ADGRV1: variants seen among roughly 807,000 people sequenced by gnomAD.
ADGRV1 encodes the protein G-protein coupled receptor 98.
In ADGRV1, 359 loss-of-function variants were observed where a neutral mutation model predicts 596.2. The observed-to-expected ratio is 0.60, with a 90% CI of 0.55 to 0.66. ADGRV1 has a LOEUF of 0.66. ADGRV1 is among the 30% of genes least tolerant of loss of function. ADGRV1 has a pLI of 0.00. For synonymous variants in ADGRV1, 2,681 were observed against 2,679.2 expected, an observed-to-expected ratio of 1.00 and a Z score of -0.02; for missense variants, 7,274 against 7,575.6, an observed-to-expected ratio of 0.96 and a Z score of 1.48.
chr5:91,006,161 G>C (rs560855301), intron 85 of ADGRV1, among the ~76,000 whole-genome samples: 1 of 152,196 alleles, frequency 6.6e-6, no homozygotes, highest in Non-Finnish European at 1.5e-5. Flanking sequence ...TTTTAAAGTA[G>C]CTCAGCTGGT....
At chr5:91,094,197 C>T (rs1481600329) in intron 86 of ADGRV1, among the ~76,000 whole-genome samples, 2 of 151,958 alleles carry the variant, frequency 1.3e-5, no homozygotes, top group Non-Finnish European at 2.9e-5. Context: ...CAGTGGCTCA[C>T]GCCTATAAAC....
chr5:90,849,616 C>G (rs1766280121), intron 79 of ADGRV1, among the ~76,000 whole-genome samples: 1 of 152,110 alleles, frequency 6.6e-6, no homozygotes, highest in Non-Finnish European at 1.5e-5. Context: ...TCTTGAACTC[C>G]TGGGCTCAAG....
At chr5:90,660,625 T>G (rs1770133401) in intron 21 of ADGRV1, among the ~76,000 whole-genome samples, 1 of 152,176 alleles carries the variant, frequency 6.6e-6, no homozygotes, top group South Asian at 2.1e-4. Flanking sequence ...ATTCCAGCAC[T>G]TTGGGAAGCT....
chr5:90,911,116 T>A (rs1772846195), intron 83 of ADGRV1, among the ~76,000 whole-genome samples: 1 of 152,152 alleles, frequency 6.6e-6, no homozygotes, highest in Non-Finnish European at 1.5e-5. Context: ...GTAATGGAGT[T>A]TTTTCAGAGA....
rs1339880558 is a variant in ADGRV1, at chr5:91,106,926, G to GA, written c.18432+4589dup. Among the ~76,000 whole-genome samples the GA allele has an allele frequency of 2.0e-5, 3 of 152,230 alleles. No individual in the cohort carries two copies. In the East Asian group the frequency reaches 5.8e-4, roughly 29 times the overall value. On this transcript the variant is annotated intron_variant, in intron 87 of 89. Coordinates refer to ENST00000405460, the MANE Select transcript of ADGRV1 (RefSeq NM_032119.4). The stretch of plus-strand genomic sequence containing the variant: ...AGGGTTTGCAGTTGCGGGTAGAAAA[G>GA]AAAGCTCAAGAGGACGCAATGCCTA...
intron 83 of ADGRV1, among the ~76,000 whole-genome samples, chr5:90,961,543 G>T (rs1251003219): frequency 7.1e-6 from 1 of 140,306 alleles, no homozygotes; most frequent in Non-Finnish European, 1.5e-5. Flanking sequence ...TAATTTTATA[G>T]GGAAAGGAGT....
At chr5:90,812,333 A>G (rs1488522358) in intron 74 of ADGRV1, among the ~76,000 whole-genome samples, 1 of 152,046 alleles carries the variant, frequency 6.6e-6, no homozygotes, top group African/African-American at 2.4e-5. Flanking sequence ...TTTCATTTTC[A>G]TGTTTTATTG....
chr5:90,724,771 TTAGAA>T, intron 45 of ADGRV1, 56 bp from the exon 46 acceptor site: 7 of 1,436,596 alleles, frequency 4.9e-6, no homozygotes, highest in Admixed American at 1.7e-5. Context: ...AAACAATAAA[TTAGAA>T]TAGATAAGTT....
chr5:90,673,345 G>A (rs1469540510), intron 22 of ADGRV1, among the ~76,000 whole-genome samples: 1 of 152,038 alleles, frequency 6.6e-6, no homozygotes, highest in Non-Finnish European at 1.5e-5. Context: ...CCTGTTGTTG[G>A]TAATACCACG....
intron 83 of ADGRV1, among the ~76,000 whole-genome samples, chr5:90,885,713 C>T (rs988296112): frequency 5.2e-4 from 79 of 152,060 alleles, no homozygotes; most frequent in African/African-American, 1.9e-3. Context: ...TAAGGAGTGC[C>T]AGGAGAGGGG....
intron 83 of ADGRV1, among the ~76,000 whole-genome samples, chr5:90,935,068 A>T (rs923482579): frequency 6.6e-6 from 1 of 152,220 alleles, no homozygotes; most frequent in East Asian, 1.9e-4. Flanking sequence ...CAAATGTTCA[A>T]TCCATAACAG....
chr5:90,639,695 A>T (rs1192277243), intron 11 of ADGRV1, among the ~76,000 whole-genome samples: 1 of 152,136 alleles, frequency 6.6e-6, no homozygotes, highest in African/African-American at 2.4e-5. Flanking sequence ...GCATACTTGT[A>T]TTATCTCATT....
intron 86 of ADGRV1, among the ~76,000 whole-genome samples, chr5:91,095,873 C>G (rs1281642436): frequency 6.6e-6 from 1 of 152,094 alleles, no homozygotes; most frequent in African/African-American, 2.4e-5. Context: ...ACCTCCACCT[C>G]CCAGGTTCGT....
intron 83 of ADGRV1, among the ~76,000 whole-genome samples, chr5:90,871,019 TG>T (rs1409442171): frequency 9.9e-5 from 15 of 152,208 alleles, no homozygotes; most frequent in African/African-American, 3.4e-4. Context: ...GCTTTCTTTT[TG>T]CATTTCTTGA....
intron 16 of ADGRV1, 148 bp downstream of exon 16, chr5:90,646,239 T>G (rs538472240): frequency 2.9e-6 from 1 of 346,638 alleles, no homozygotes; most frequent in African/African-American, 2.1e-5. Flanking sequence ...TCATTGAACA[T>G]TTTCAATAAA....
chr5:90,774,537 T>C (rs1581081502), intron 60 of ADGRV1, among the ~76,000 whole-genome samples: 1 of 152,160 alleles, frequency 6.6e-6, no homozygotes, highest in East Asian at 1.9e-4. Context: ...TGTAATTTTT[T>C]TCTAATGAAG....
chr5:91,080,588 C>CAA (rs10696264), intron 86 of ADGRV1, among the ~76,000 whole-genome samples: 3,717 of 83,162 alleles, frequency 0.045, 139 homozygotes, highest in African/African-American at 0.048. Context: ...GCACACCCTG[C>CAA]AAAAAAAAAA....
At chr5:90,595,441 C>T (rs1265416326) in intron 1 of ADGRV1, among the ~76,000 whole-genome samples, 24 of 47,088 alleles carry the variant, frequency 5.1e-4, no homozygotes, top group African/African-American at 2.0e-3. Context: ...GGGGGGCTGA[C>T]CCCCCCACCT....
At chr5:90,812,476 G>C (rs767908155) in intron 74 of ADGRV1, among the ~76,000 whole-genome samples, 2 of 152,096 alleles carry the variant, frequency 1.3e-5, no homozygotes, top group African/African-American at 4.8e-5. Context: ...TTTTTTTATA[G>C]TGAGAATATT....
Sources: allele counts gnomAD v4.1 joint callset (sites outside exome capture counted in the v4.1 genomes callset), GRCh38; gene constraint gnomAD v4.1.1; transcripts MANE v1.5; gene names NCBI Gene and HGNC (gene_info 2026-07-23, HGNC 2026-07-21).